Variants in ATP10B observed in about 807,000 individuals in gnomAD.
The protein encoded by ATP10B is ATPase phospholipid transporting 10B (putative).
Under a neutral mutation model 141.2 loss-of-function variants are expected in ATP10B, and 122 were observed. The ratio of observed to expected loss-of-function variants is 0.86; its 90% CI spans 0.75 to 1.00. The LOEUF (loss-of-function observed/expected upper bound fraction) is 1.00, where lower values mean the gene tolerates loss of function less well. Ranked by LOEUF, ATP10B falls within the 50% of genes least tolerant of loss-of-function variation. The probability of loss-of-function intolerance (pLI) is 0.00; values close to 1 mark genes in which losing one functional copy is unlikely to be tolerated. For missense variants in ATP10B, 1,876 were observed against 1,825.3 expected, an observed-to-expected ratio of 1.03 and a Z score of -0.51; for synonymous variants, 685 against 692.0, an observed-to-expected ratio of 0.99 and a Z score of 0.16.
At chr5:160,854,918 A>G (rs1753960969), upstream of ATP10B, among the ~76,000 whole-genome samples, 1 of 152,160 alleles carries the variant, frequency 6.6e-6, no homozygotes, top group Admixed American at 6.6e-5. Flanking sequence ...ATGTAGGAAA[A>G]GGAATAAAAT....
At chr5:160,871,949 T>C in the ATP10B span, among the ~76,000 whole-genome samples, 6 of 152,324 alleles carry the variant, frequency 3.9e-5, no homozygotes, top group East Asian at 1.2e-3. Context: ...GTTCTACTTT[T>C]AGTTATTTAA....
At chr5:160,650,961 C>T (rs773729176) in intron 7 of ATP10B, among the ~76,000 whole-genome samples, 10 of 152,070 alleles carry the variant, frequency 6.6e-5, no homozygotes, top group Admixed American at 1.3e-4. Flanking sequence ...ATCGTTTCAC[C>T]ATTTAATAGG....
At chr5:160,790,723 T>C (rs995997808) in intron 1 of ATP10B, among the ~76,000 whole-genome samples, 1 of 152,140 alleles carries the variant, frequency 6.6e-6, no homozygotes, top group Non-Finnish European at 1.5e-5. Flanking sequence ...TCTGGCAGAA[T>C]AATGGCTCCC....
chr5:160,903,433 C>A, the ATP10B span, among the ~76,000 whole-genome samples: 1 of 152,158 alleles, frequency 6.6e-6, no homozygotes, highest in Non-Finnish European at 1.5e-5. Flanking sequence ...GGTCCAAACA[C>A]ATTTTGTCTG....
the ATP10B span, among the ~76,000 whole-genome samples, chr5:160,876,717 C>G: frequency 1.3e-5 from 2 of 151,706 alleles, no homozygotes; most frequent in Non-Finnish European, 1.5e-5. Flanking sequence ...CCACCAATCC[C>G]ACAGAAATAC....
Position 160,620,061 on chromosome 5 carries a change from T to C in ATP10B, c.2416+286A>G, listed in dbSNP as rs190431543. ...TGCAAAAGACTGTGTGGATAATCCA[T>C]GTTTAAATGAGTTTGGAAAACTGGG... On this transcript the variant is annotated intron_variant, in intron 15 of 25. Coordinates refer to ENST00000327245, the MANE Select transcript of ATP10B (RefSeq NM_025153.3). Among the ~76,000 whole-genome samples the C allele has an allele frequency of 6.9e-3, 1,044 of 152,340 alleles. 16 individuals are homozygous for C. Among genetic ancestry groups the C allele is most frequent in the African/African-American group, 0.022 (934 of 41,576 alleles).
the ATP10B span, among the ~76,000 whole-genome samples, chr5:160,876,659 G>T: frequency 2.0e-3 from 298 of 152,120 alleles, 1 homozygote; most frequent in African/African-American, 6.7e-3. Flanking sequence ...AAAGAAAAAA[G>T]AGAGTAGAAT....
chr5:160,866,562 A>G, the ATP10B span, among the ~76,000 whole-genome samples: 6 of 152,114 alleles, frequency 3.9e-5, no homozygotes, highest in Non-Finnish European at 8.8e-5. Flanking sequence ...AATCCCAGCT[A>G]CTTGGGAGGC....
the ATP10B span, among the ~76,000 whole-genome samples, chr5:160,867,963 G>A: frequency 6.6e-6 from 1 of 152,192 alleles, no homozygotes; most frequent in African/African-American, 2.4e-5. Flanking sequence ...CGTTATTCAG[G>A]TCCTGTGCCT....
intron 24 of ATP10B, among the ~76,000 whole-genome samples, chr5:160,574,427 CTA>C: frequency 6.6e-6 from 1 of 152,200 alleles, no homozygotes; most frequent in South Asian, 2.1e-4. Context: ...GAGTGAGATT[CTA>C]TCTCAAAAAA....
In ATP10B at chr5:160,575,713, AC is replaced by A. The variant is rs531974430; in HGVS notation, c.3751-6031del. On this transcript the variant is annotated intron_variant, in intron 24 of 25. Coordinates refer to ENST00000327245, the MANE Select transcript of ATP10B (RefSeq NM_025153.3). ...CAATGGATTAAACAAATAAAAAAAA[AC>A]CCCTAAATAGCCACAGTCAATTTGA... 2.9e-3 allele frequency among the ~76,000 whole-genome samples: 441 copies of A among 152,232 alleles called. 1 individual carries two copies. The highest frequency in any genetic ancestry group is 0.01 in the African/African-American group (429 of 41,518).
intron 18 of ATP10B, among the ~76,000 whole-genome samples, chr5:160,608,264 T>C (rs1000654901): frequency 1.3e-5 from 2 of 152,212 alleles, no homozygotes; most frequent in Non-Finnish European, 2.9e-5. Flanking sequence ...TGAACTCATC[T>C]GTTTTTATGG....
chr5:160,733,414 T>C (rs958211739), intron 2 of ATP10B, among the ~76,000 whole-genome samples: 1 of 151,980 alleles, frequency 6.6e-6, no homozygotes, highest in Non-Finnish European at 1.5e-5. Context: ...ACACAAAACT[T>C]CCCAAATTTG....
At chr5:160,731,746 G>T (rs375583837) in intron 2 of ATP10B, among the ~76,000 whole-genome samples, 20 of 152,204 alleles carry the variant, frequency 1.3e-4, no homozygotes, top group African/African-American at 4.8e-4. Flanking sequence ...GTTACTCCAA[G>T]TTCTGTCGGC....
At chr5:160,793,160 G>C (rs918817846) in intron 1 of ATP10B, among the ~76,000 whole-genome samples, 5 of 151,302 alleles carry the variant, frequency 3.3e-5, no homozygotes, top group Non-Finnish European at 5.9e-5. Flanking sequence ...TCTTTTTGCT[G>C]CCTAAGTATT....
chr5:160,683,592 T>C (rs1763564864), intron 6 of ATP10B, among the ~76,000 whole-genome samples: 2 of 152,200 alleles, frequency 1.3e-5, no homozygotes, highest in South Asian at 4.1e-4. Flanking sequence ...CAAGCCTCTT[T>C]CATTCTAACA....
At chr5:160,705,478 C>T (rs527249751) in intron 3 of ATP10B, among the ~76,000 whole-genome samples, 2 of 152,194 alleles carry the variant, frequency 1.3e-5, no homozygotes, top group East Asian at 3.9e-4. Context: ...ATCTGCCCAC[C>T]TTGGGATTAC....
At position 160,670,646 on chromosome 5, in the gene ATP10B, C is replaced by A; in HGVS notation, c.492G>T (p.Gln164His). The change falls in exon 7 of 26, where the codon CAG (glutamine) becomes CAT (histidine). Residue 164 changes from glutamine (Q) to histidine (H), a missense_variant. Physicochemically the swap from Gln to His is conservative, Grantham distance 24. Transcript: ENST00000327245. ...CCACGCGCACATCCTTCCAGCACTT[C>A]TGCACATAGGTCTGCTCTTTTCTTG... ...IYERKEQTYV[Q>H]KCWKDVRVGD... 1 of 1,613,656 alleles carries A rather than the reference C, an allele frequency of 6.2e-7. No homozygotes were observed. Among genetic ancestry groups the A allele is most frequent in the Non-Finnish European group, 8.5e-7 (1 of 1,179,800 alleles).
In ATP10B at chr5:160,747,403, G is replaced by A. The variant is rs907541107; in HGVS notation, c.-330-30369C>T. Among the ~76,000 whole-genome samples the A allele has an allele frequency of 5.9e-5, 9 of 152,278 alleles. No individual in the cohort carries two copies. The South Asian group carries it at 1.7e-3, about 28-fold the overall frequency. On this transcript the variant is annotated intron_variant, in intron 2 of 25. Coordinates refer to ENST00000327245, the MANE Select transcript of ATP10B (RefSeq NM_025153.3). ...TCCCACCAAAAAATATGTTGAGGTC[G>A]CAATCCTCAATATTTATGAATGTGA...
Sources: gnomAD v4.1 joint callset for allele counts (sites outside exome capture counted in the v4.1 genomes callset) on GRCh38, gnomAD v4.1.1 for gene constraint, MANE v1.5 for transcripts, NCBI Gene and HGNC (gene_info 2026-07-23, HGNC 2026-07-21) for gene names.